Variants in ERGIC2 observed in about 807,000 individuals in gnomAD.
The protein encoded by ERGIC2 is ERGIC and golgi 2.
ERGIC2 carries 31 observed loss-of-function variants against 52.5 expected under a neutral mutation model. That is an observed-to-expected ratio of 0.59 (90% CI 0.44 to 0.80). The LOEUF (loss-of-function observed/expected upper bound fraction) is 0.80. Among genes scored for constraint, ERGIC2 ranks in the 30% least tolerant of loss-of-function variants. The pLI is 0.00. For synonymous variants in ERGIC2, 129 were observed against 140.6 expected, an observed-to-expected ratio of 0.92 and a Z score of 0.58; for missense variants, 395 against 455.2, an observed-to-expected ratio of 0.87 and a Z score of 1.20.
In ERGIC2 at chr12:29,366,946, A is replaced by G. The variant is rs748958589; in HGVS notation, c.264T>C (p.Tyr88=). The change falls in exon 5 of 14, where the codon TAT becomes TAC. Residue 88 remains tyrosine, a splice_region_variant and synonymous_variant. Transcript: ENST00000360150. Reference sequence around the variant, plus strand: ...CTAAATCCAATACATCCGCTCCAACATCTGCATAGAAAAAAGAATTAGAAG... The same window carrying G: ...CTAAATCCAATACATCCGCTCCAACGTCTGCATAGAAAAAAGAATTAGAAG... ...IDITVAMKCQ[Y]VGADVLDLAE... is the part of the protein sequence containing the mutation. 1.3e-5 allele frequency: 21 copies of G among 1,590,260 alleles called. No individual in the cohort carries two copies. In the East Asian group the frequency reaches 4.8e-4, roughly 36 times the overall value.
At chr12:29,350,128 T>A in intron 8 of ERGIC2, 60 bp from the exon 9 acceptor site, 1 of 961,952 alleles carries the variant, frequency 1.0e-6, no homozygotes, top group Non-Finnish European at 1.6e-6. Context: ...TTAATTAAAA[T>A]CAGAAACTGG....
intron 7 of ERGIC2, among the ~76,000 whole-genome samples, 169 bp from the exon 8 acceptor site, chr12:29,356,646 A>T (rs1461704928): frequency 6.6e-6 from 1 of 152,212 alleles, no homozygotes; most frequent in Non-Finnish European, 1.5e-5. Flanking sequence ...AAAATTATAC[A>T]TCTATAAAAT....
At position 29,345,399 on chromosome 12, in the gene ERGIC2, T is replaced by G. The variant is rs772606369; in HGVS notation, c.825+44A>C. On this transcript the variant is annotated intron_variant, in intron 11 of 13. Coordinates refer to ENST00000360150, the MANE Select transcript of ERGIC2 (RefSeq NM_016570.3). ...AGCCAGGAAACTTTAAAATGCTTTT[T>G]TAAAAAAATCACCAAATTATTTTAC... is the stretch of plus-strand genomic sequence containing the variant. The G allele has an allele frequency of 2.6e-6, 3 of 1,143,362 alleles. No individual in the cohort carries two copies. In the African/African-American group the frequency reaches 4.7e-5, roughly 18 times the overall value. 70.8% of individuals were successfully genotyped at this position (1,143,362 alleles called of 1,614,324 possible). A position where few individuals can be genotyped will look rare whatever the true frequency, so the allele number is the denominator to read the frequency against.
At chr12:29,365,923 A>C (rs779931127) in intron 5 of ERGIC2, among the ~76,000 whole-genome samples, 5 of 151,964 alleles carry the variant, frequency 3.3e-5, no homozygotes, top group Non-Finnish European at 7.4e-5. Context: ...CTGTTTCTGT[A>C]GAAATTTCTA....
intron 6 of ERGIC2, among the ~76,000 whole-genome samples, chr12:29,359,773 C>T (rs1326279220): frequency 2.0e-5 from 3 of 151,218 alleles, no homozygotes; most frequent in African/African-American, 7.3e-5. Context: ...GAAAAAAAAA[C>T]GGGTAAAGAA....
At chr12:29,374,908 C>A (rs953047470) in intron 1 of ERGIC2, among the ~76,000 whole-genome samples, 1 of 152,072 alleles carries the variant, frequency 6.6e-6, no homozygotes, top group Non-Finnish European at 1.5e-5. Context: ...TATTTCTCTT[C>A]AAATCTTTGT....
intron 13 of ERGIC2, 97 bp downstream of exon 13, chr12:29,341,637 T>C: frequency 2.9e-6 from 2 of 696,702 alleles, no homozygotes; most frequent in South Asian, 1.9e-5. Context: ...CCTCCCAAAG[T>C]CTTGGGATTA....
intron 12 of ERGIC2, 41 bp downstream of exon 12, chr12:29,343,079 A>G: frequency 6.6e-7 from 1 of 1,516,996 alleles, no homozygotes; most frequent in South Asian, 1.3e-5. Flanking sequence ...AAGTATAAGC[A>G]ACACTTTCAG....
chr12:29,367,197 A>AT (rs1277364444), intron 4 of ERGIC2, among the ~76,000 whole-genome samples: 3 of 137,748 alleles, frequency 2.2e-5, no homozygotes, highest in African/African-American at 3.3e-5. Context: ...TTCTTACCCA[A>AT]TAAAAAAAAA....
At chr12:29,358,390 G>C (rs1029632222) in intron 6 of ERGIC2, among the ~76,000 whole-genome samples, 8 of 152,146 alleles carry the variant, frequency 5.3e-5, no homozygotes, top group Admixed American at 4.6e-4. Context: ...GGGAAGGGAA[G>C]AATAAACAGG....
chr12:29,377,170 T>C (rs1054025578), intron 1 of ERGIC2, among the ~76,000 whole-genome samples: 1 of 152,212 alleles, frequency 6.6e-6, no homozygotes, highest in Admixed American at 6.5e-5. Flanking sequence ...TTGGTGCTGC[T>C]ATTCATACCT....
At chr12:29,350,402 T>C (rs966848686) in intron 8 of ERGIC2, among the ~76,000 whole-genome samples, 2 of 152,100 alleles carry the variant, frequency 1.3e-5, no homozygotes, top group African/African-American at 4.8e-5. Flanking sequence ...GAGTCCTTTT[T>C]TTTGTAATAC....
chr12:29,367,493 A>AT (rs1168877775), intron 4 of ERGIC2, among the ~76,000 whole-genome samples: 1 of 151,830 alleles, frequency 6.6e-6, no homozygotes, highest in Non-Finnish European at 1.5e-5. Context: ...AAAATAAAGT[A>AT]TTTTTTTATC....
In ERGIC2 at chr12:29,338,094, A is replaced by G. The variant is rs186905474; in HGVS notation, c.*3062T>C. 6 of 152,082 alleles carry G rather than the reference A, an allele frequency of 3.9e-5. No individual in the cohort carries two copies. The highest frequency in any genetic ancestry group is 1.2e-4 in the African/African-American group (5 of 41,422). 9.4% of individuals were successfully genotyped at this position (152,082 alleles called of 1,614,324 possible). ...CAGGCTGAGGCAGGAGAATCACTTG[A>G]ACCCGGGAGACGGAGGTTGCAGTGA... is the stretch of plus-strand genomic sequence containing the variant. On this transcript the variant is annotated 3_prime_UTR_variant, in exon 14 of 14. Coordinates refer to ENST00000360150, the MANE Select transcript of ERGIC2 (RefSeq NM_016570.3).
At position 29,367,356 on chromosome 12, in the gene ERGIC2, G is replaced by A. The variant is rs191636165; in HGVS notation, c.263-409C>T. 3.4e-4 allele frequency among the ~76,000 whole-genome samples: 51 copies of A among 151,782 alleles called. 1 individual carries two copies. Among genetic ancestry groups the A allele is most frequent in the Admixed American group, 2.0e-3 (30 of 15,232 alleles). On this transcript the variant is annotated intron_variant, in intron 4 of 13. Transcript: ENST00000360150. ...ATATTTTTAGAGATTAAAAGAAATC[G>A]TAAAGCTATGCTACAAATCAACAAA...
intron 5 of ERGIC2, 123 bp from the exon 6 acceptor site, chr12:29,361,808 T>C: frequency 1.7e-6 from 1 of 601,286 alleles, no homozygotes; most frequent in Non-Finnish European, 2.7e-6. Flanking sequence ...CAAGTATTCA[T>C]GGTTTACATT....
chr12:29,362,523 G>C (rs137908112), intron 5 of ERGIC2, among the ~76,000 whole-genome samples: 23 of 152,202 alleles, frequency 1.5e-4, no homozygotes, highest in South Asian at 4.2e-4. Context: ...CTTGAACCCG[G>C]GAGGTGGAAG....
chr12:29,342,591 G>A (rs886594440), intron 12 of ERGIC2, among the ~76,000 whole-genome samples: 10 of 152,038 alleles, frequency 6.6e-5, no homozygotes, highest in African/African-American at 1.9e-4. Flanking sequence ...TAATCTTAGC[G>A]AATTCCAGGA....
At chr12:29,371,766 C>A (rs1325457331) in intron 1 of ERGIC2, 96 bp from the exon 2 acceptor site, 1 of 589,880 alleles carries the variant, frequency 1.7e-6, no homozygotes, top group Non-Finnish European at 2.9e-6. Context: ...CTTAAAACAA[C>A]TTAACATTCT....
Sources: gnomAD v4.1 joint callset for allele counts (sites outside exome capture counted in the v4.1 genomes callset) on GRCh38, gnomAD v4.1.1 for gene constraint, MANE v1.5 for transcripts, NCBI Gene and HGNC (gene_info 2026-07-23, HGNC 2026-07-21) for gene names.